The following CNBD1 variants were observed in gnomAD, a reference collection of about 807,000 sequenced individuals.
CNBD1 encodes the protein cyclic nucleotide binding domain containing 1.
A neutral mutation model predicts 54.4 loss-of-function variants in CNBD1; 71 were observed. The ratio of observed to expected loss-of-function variants is 1.30; its 90% CI spans 1.08 to 1.59. CNBD1 has a LOEUF of 1.59. Ranked by LOEUF, CNBD1 falls within the 40% of genes most tolerant of loss-of-function variation. The probability of loss-of-function intolerance (pLI) is 0.00; values close to 1 mark genes in which losing one functional copy is unlikely to be tolerated. For missense variants in CNBD1, 659 were observed against 518.0 expected (o/e 1.27, Z -2.64); for synonymous variants, 182 against 170.7 (o/e 1.07, Z -0.51).
chr8:86,892,868 C>T (rs971561243), intron 2 of CNBD1, among the ~76,000 whole-genome samples: 8 of 151,710 alleles, frequency 5.3e-5, no homozygotes, highest in African/African-American at 1.2e-4. Flanking sequence ...TGTTGGCTTT[C>T]CGGACATAAT....
chr8:87,284,656 A>G (rs774201599), intron 6 of CNBD1, 22 bp from the exon 7 acceptor site: 2 of 1,584,054 alleles, frequency 1.3e-6, no homozygotes, highest in Non-Finnish European at 1.7e-6. Context: ...TAAACATTAA[A>G]TTGTCTCTGG....
At chr8:87,354,183 A>G (rs909845965) in intron 10 of CNBD1, among the ~76,000 whole-genome samples, 2 of 152,070 alleles carry the variant, frequency 1.3e-5, no homozygotes, top group Non-Finnish European at 1.5e-5. Flanking sequence ...TGAAAATGGG[A>G]GCCTTGTCTC....
intron 8 of CNBD1, among the ~76,000 whole-genome samples, chr8:87,346,118 C>T (rs1810171110): frequency 6.6e-6 from 1 of 151,830 alleles, no homozygotes; most frequent in Non-Finnish European, 1.5e-5. Context: ...CTTGGCTTAC[C>T]ACAGCCTCTG....
intron 4 of CNBD1, among the ~76,000 whole-genome samples, chr8:87,199,845 T>A (rs1034018963): frequency 2.0e-4 from 30 of 152,126 alleles, no homozygotes; most frequent in African/African-American, 4.6e-4. Flanking sequence ...GTTTTATTTT[T>A]AAAAATAATT....
At chr8:87,358,775 A>T (rs1351267567) in intron 10 of CNBD1, among the ~76,000 whole-genome samples, 2 of 152,156 alleles carry the variant, frequency 1.3e-5, no homozygotes, top group African/African-American at 4.8e-5. Context: ...CAAAGCCTTG[A>T]AAACTGGAGA....
intron 6 of CNBD1, among the ~76,000 whole-genome samples, chr8:87,256,010 TATA>T (rs1383459530): frequency 4.6e-3 from 95 of 20,786 alleles, no homozygotes; most frequent in African/African-American, 6.8e-3. Flanking sequence ...TATATATATA[TATA>T]TATTTTTTTT....
intron 4 of CNBD1, among the ~76,000 whole-genome samples, chr8:87,039,460 T>G (rs530676275): frequency 1.3e-5 from 2 of 152,236 alleles, no homozygotes; most frequent in African/African-American, 4.8e-5. Context: ...CATGGTTTTT[T>G]GGGGGGGTTG....
intron 2 of CNBD1, among the ~76,000 whole-genome samples, chr8:87,412,101 G>GA: frequency 6.6e-6 from 1 of 151,884 alleles, no homozygotes; most frequent in African/African-American, 2.4e-5. Context: ...AAAGTGTTTA[G>GA]AAAAAAATTA....
chr8:87,360,573 C>A (rs971722930), intron 10 of CNBD1, among the ~76,000 whole-genome samples: 4 of 151,806 alleles, frequency 2.6e-5, no homozygotes, highest in African/African-American at 4.8e-5. Context: ...AAGATAATTG[C>A]AAGTCAATAT....
At chr8:87,427,689 G>A (rs1365258334) in intron 2 of CNBD1, among the ~76,000 whole-genome samples, 1 of 152,136 alleles carries the variant, frequency 6.6e-6, no homozygotes, top group Non-Finnish European at 1.5e-5. Context: ...AGTAGTTAAA[G>A]AATGAGGTTA....
At position 86,874,085 on chromosome 8, in the gene CNBD1, G is replaced by A. The variant is rs138050101; in HGVS notation, c.88+7502G>A. Among the ~76,000 whole-genome samples the A allele has an allele frequency of 2.6e-3, 401 of 152,274 alleles. 3 individuals are homozygous for A. The highest frequency in any genetic ancestry group is 9.1e-3 in the African/African-American group (380 of 41,566). ...AAAATCTCATGTTTTTCTGGTCAATGTGTCTGTTTTATGCCAGCACCATAC... is the reference window on the plus strand; with the variant it reads ...AAAATCTCATGTTTTTCTGGTCAATATGTCTGTTTTATGCCAGCACCATAC... On this transcript the variant is annotated intron_variant, in intron 1 of 10. Coordinates refer to ENST00000518476, the MANE Select transcript of CNBD1 (RefSeq NM_173538.3).
At chr8:87,261,921 A>G (rs959258595) in intron 6 of CNBD1, among the ~76,000 whole-genome samples, 2 of 151,442 alleles carry the variant, frequency 1.3e-5, no homozygotes, top group Middle Eastern at 3.2e-3. Flanking sequence ...TGAGGCAGGG[A>G]GATTGCTTGA....
At chr8:87,225,592 A>G (rs1411213285) in intron 5 of CNBD1, among the ~76,000 whole-genome samples, 1 of 152,112 alleles carries the variant, frequency 6.6e-6, no homozygotes, top group African/African-American at 2.4e-5. Context: ...GATGAAGCCC[A>G]CTTGATCATG....
At chr8:87,080,181 C>T (rs772735033) in intron 4 of CNBD1, among the ~76,000 whole-genome samples, 86 of 152,224 alleles carry the variant, frequency 5.6e-4, no homozygotes, top group Non-Finnish European at 5.4e-4. Context: ...CACATTGTCT[C>T]GATTGGTGTA....
intron 4 of CNBD1, among the ~76,000 whole-genome samples, chr8:87,190,583 G>T (rs1262833057): frequency 6.6e-6 from 1 of 151,678 alleles, no homozygotes; most frequent in East Asian, 1.9e-4. Context: ...TGTTTCTTTT[G>T]TGTAATAACT....
chr8:87,148,657 C>T (rs1017658590), intron 4 of CNBD1, among the ~76,000 whole-genome samples: 15 of 152,104 alleles, frequency 9.9e-5, no homozygotes, highest in Non-Finnish European at 1.8e-4. Context: ...ACAGGCAACC[C>T]ACCAAGCTTT....
rs11989478 is a variant in CNBD1 at position 86,897,911 on chromosome 8, A to G, written c.159-7170A>G. On this transcript the variant is annotated intron_variant, in intron 2 of 10. Coordinates refer to ENST00000518476, the MANE Select transcript of CNBD1 (RefSeq NM_173538.3). ...CACACATAAATAGGAAGGCATTTAC[A>G]AGGGTGTTCACTGCAGCATTTTTTT... Among the ~76,000 whole-genome samples the G allele has an allele frequency of 2.8e-3, 424 of 152,270 alleles. 8 individuals carry two copies. Among genetic ancestry groups the G allele is most frequent in the African/African-American group, 9.7e-3 (405 of 41,554 alleles).
At chr8:87,331,622 C>A (rs1809834121) in intron 8 of CNBD1, among the ~76,000 whole-genome samples, 1 of 152,116 alleles carries the variant, frequency 6.6e-6, no homozygotes, top group South Asian at 2.1e-4. Flanking sequence ...GTTCTAGATC[C>A]TTAAATTATC....
chr8:87,294,607 G>A (rs917869249), intron 8 of CNBD1, among the ~76,000 whole-genome samples: 38 of 152,162 alleles, frequency 2.5e-4, no homozygotes, highest in African/African-American at 8.7e-4. Context: ...CAAGCATAAA[G>A]ATAGTTTCCA....
Sources: gnomAD v4.1 joint callset for allele counts (sites outside exome capture counted in the v4.1 genomes callset) on GRCh38, gnomAD v4.1.1 for gene constraint, MANE v1.5 for transcripts, NCBI Gene and HGNC (gene_info 2026-07-23, HGNC 2026-07-21) for gene names.